Variants in TNRC6B observed in about 807,000 individuals in gnomAD.
The protein encoded by TNRC6B is trinucleotide repeat containing adaptor 6B, also known as trinucleotide repeat-containing gene 6B protein.
Under a neutral mutation model 203.6 loss-of-function variants are expected in TNRC6B, and 52 were observed. The observed-to-expected ratio is 0.26, with a 90% CI of 0.20 to 0.32. TNRC6B has a LOEUF of 0.32. Among genes scored for constraint, TNRC6B ranks in the 10% least tolerant of loss-of-function variants. The pLI is 1.00. For synonymous variants in TNRC6B, 838 were observed against 845.7 expected (o/e 0.99, Z 0.16); for missense variants, 1,923 against 2,286.2 (o/e 0.84, Z 3.24).
chr22:40,211,458 C>G (rs2069562068), intron 1 of TNRC6B, among the ~76,000 whole-genome samples: 1 of 152,008 alleles, frequency 6.6e-6, no homozygotes, highest in Admixed American at 6.6e-5. Context: ...TCTAGTAGTT[C>G]AGGAACACCA....
intron 1 of TNRC6B, among the ~76,000 whole-genome samples, chr22:40,098,386 A>C (rs1276910989): frequency 7.3e-6 from 1 of 136,330 alleles, no homozygotes. Context: ...CTCCGTCTCA[A>C]AAAAAAAAAA....
chr22:40,330,137 A>G lies in TNRC6B; in HGVS notation c.*6896A>G, dbSNP rs1450179646. 2.0e-5 allele frequency: 3 copies of G among 152,266 alleles called. No individual in the cohort carries two copies. Among genetic ancestry groups the G allele is most frequent in the Non-Finnish European group, 4.4e-5 (3 of 68,044 alleles). The allele number at this position is 152,266 out of a possible 1,614,324, so 9.4% of individuals were successfully genotyped here. A position where few individuals can be genotyped will look rare whatever the true frequency, so the allele number is the denominator to read the frequency against. ...TTGCTTTGGAAATAAATTCCCAATT[A>G]TAATTGACCCATATCTAGCCAATAT... On this transcript the variant is annotated 3_prime_UTR_variant, in exon 23 of 23. Transcript: ENST00000454349.
At chr22:40,140,765 C>G (rs1168662340) in intron 3 of TNRC6B, among the ~76,000 whole-genome samples, 2 of 152,008 alleles carry the variant, frequency 1.3e-5, no homozygotes, top group African/African-American at 2.4e-5. Flanking sequence ...CTCAAACTCC[C>G]AAGAAGCTGG....
At position 40,315,387 on chromosome 22, in the gene TNRC6B, A is replaced by G. The variant is rs1360325386; in HGVS notation, c.4783A>G (p.Thr1595Ala). The change falls in exon 20 of 23, where the codon ACT becomes GCT. Residue 1595 changes from threonine (T) to alanine (A), a missense_variant. This residue lies in a region of TNRC6B where 159 missense variants were observed against 181.0 expected (regional missense o/e 0.88). Transcript: ENST00000454349. ...GAAAAACCATATTTCCTCCAGGAAC[A>G]CTACACCGCTGCCCCGCCCACCTCC... is the stretch of plus-strand genomic sequence containing the variant. ...MWKNHISSRN[T>A]TPLPRPPPGL... The G allele has an allele frequency of 1.2e-6, 2 of 1,613,970 alleles. No individual in the cohort carries two copies. Among genetic ancestry groups the G allele is most frequent in the East Asian group, 2.2e-5 (1 of 44,876 alleles).
chr22:40,299,757 A>T (rs1458597031), intron 12 of TNRC6B, among the ~76,000 whole-genome samples: 3 of 152,132 alleles, frequency 2.0e-5, no homozygotes, highest in Admixed American at 1.3e-4. Flanking sequence ...CATGGCCCCA[A>T]CTAGTCCAGT....
intron 12 of TNRC6B, among the ~76,000 whole-genome samples, chr22:40,299,723 G>C (rs139651338): frequency 2.6e-5 from 4 of 152,148 alleles, no homozygotes; most frequent in Admixed American, 2.0e-4. Flanking sequence ...TGGCACTCAC[G>C]GACACGTTCT....
intron 1 of TNRC6B, among the ~76,000 whole-genome samples, chr22:40,065,813 T>G (rs952309923): frequency 6.6e-6 from 1 of 152,150 alleles, no homozygotes. Context: ...CTGAGTCTTC[T>G]ACTTAGTGCC....
chr22:40,284,659 A>G (rs2070760053), intron 11 of TNRC6B, among the ~76,000 whole-genome samples: 1 of 152,184 alleles, frequency 6.6e-6, no homozygotes, highest in Non-Finnish European at 1.5e-5. Context: ...GTGTGGTTTG[A>G]TGAGTTTTAA....
intron 1 of TNRC6B, among the ~76,000 whole-genome samples, chr22:40,214,266 C>CA (rs1237045254): frequency 2.6e-5 from 4 of 151,066 alleles, no homozygotes; most frequent in African/African-American, 9.8e-5. Flanking sequence ...GACTCCATCT[C>CA]AAAAAATAAA....
At chr22:40,063,004 A>G (rs2067866986) in intron 1 of TNRC6B, among the ~76,000 whole-genome samples, 1 of 151,880 alleles carries the variant, frequency 6.6e-6, no homozygotes, top group Admixed American at 6.6e-5. Context: ...TGCTTAACCT[A>G]AGGTCACAAT....
intron 11 of TNRC6B, 22 bp downstream of exon 11, chr22:40,281,311 A>G: frequency 6.5e-7 from 1 of 1,528,278 alleles, no homozygotes; most frequent in Non-Finnish European, 8.8e-7. Context: ...TCTCAAATTT[A>G]TAACTGCTTG....
At chr22:40,300,711 T>TG in intron 13 of TNRC6B, 125 bp downstream of exon 13, 1 of 1,342,466 alleles carries the variant, frequency 7.4e-7, no homozygotes, top group Non-Finnish European at 1.0e-6. Flanking sequence ...CACACTTCTT[T>TG]GCAAACTATG....
upstream of TNRC6B, among the ~76,000 whole-genome samples, chr22:40,175,899 G>A (rs562255185): frequency 2.6e-5 from 4 of 152,312 alleles, no homozygotes; most frequent in East Asian, 7.7e-4. Flanking sequence ...GAGCAAAGGC[G>A]GGAGACTGTA....
chr22:40,116,361 T>C (rs1200435940), intron 1 of TNRC6B, among the ~76,000 whole-genome samples: 1 of 152,240 alleles, frequency 6.6e-6, no homozygotes, highest in African/African-American at 2.4e-5. Flanking sequence ...CATTGTAAAA[T>C]GAAGTTGCTG....
In TNRC6B at chr22:40,327,932, T is replaced by C. The variant is rs2146589463; in HGVS notation, c.*4691T>C. On this transcript the variant is annotated 3_prime_UTR_variant, in exon 23 of 23. Coordinates refer to ENST00000454349, the MANE Select transcript of TNRC6B (RefSeq NM_001162501.2). Reference sequence around the variant, plus strand: ...CATCTCCTGAACATCACAAACTTGGTTTCTACCTACCACACGAGTAGCCAA... The same window carrying C: ...CATCTCCTGAACATCACAAACTTGGCTTCTACCTACCACACGAGTAGCCAA... 1 of 152,180 alleles carries C rather than the reference T, an allele frequency of 6.6e-6. No individual in the cohort carries two copies. Among genetic ancestry groups the C allele is most frequent in the East Asian group, 1.9e-4 (1 of 5,200 alleles). The allele number at this position is 152,180 out of a possible 1,614,324, so 9.4% of individuals were successfully genotyped here. A position where few individuals can be genotyped will look rare whatever the true frequency, so the allele number is the denominator to read the frequency against.
In TNRC6B at chr22:40,266,780, C is replaced by T. The variant is rs773708986; in HGVS notation, c.2550C>T (p.Asn850=). Residue 850 remains asparagine (N), a synonymous_variant, in exon 5 of 23, where the codon AAC becomes AAT. Coordinates refer to ENST00000454349, the MANE Select transcript of TNRC6B (RefSeq NM_001162501.2). ...WGGPPPPPPG[N]VRPSNSSWSS... Reference sequence around the variant, plus strand: ...GCCCACCCCCACCACCTCCAGGCAACGTTCGACCTTCCAATTCCAGCTGGA... The same window carrying T: ...GCCCACCCCCACCACCTCCAGGCAATGTTCGACCTTCCAATTCCAGCTGGA... 4.7e-5 allele frequency: 76 copies of T among 1,613,368 alleles called. No homozygotes were observed. In the South Asian group the frequency reaches 5.4e-4, roughly 11 times the overall value.
At chr22:40,059,345 T>C (rs555406427) in intron 1 of TNRC6B, among the ~76,000 whole-genome samples, 53 of 152,370 alleles carry the variant, frequency 3.5e-4, no homozygotes, top group African/African-American at 1.2e-3. Flanking sequence ...GCTAATTGCA[T>C]TCATTAGTTC....
chr22:40,233,274 A>T (rs2069902029), intron 1 of TNRC6B, among the ~76,000 whole-genome samples: 1 of 151,974 alleles, frequency 6.6e-6, no homozygotes, highest in South Asian at 2.1e-4. Context: ...GTGAGCCAAG[A>T]TCGCGCCACT....
intron 6 of TNRC6B, 33 bp downstream of exon 6, chr22:40,270,313 C>CTTTTT (rs372710238): frequency 3.2e-5 from 39 of 1,218,518 alleles, no homozygotes; most frequent in Non-Finnish European, 3.9e-5. Flanking sequence ...TTGAGGGATC[C>CTTTTT]TTTTTTTTTT....
Sources: gnomAD v4.1 joint callset for allele counts (sites outside exome capture counted in the v4.1 genomes callset) on GRCh38, gnomAD v4.1.1 for gene constraint, gnomAD v4.1.1 regional missense constraint, MANE v1.5 for transcripts, NCBI Gene and HGNC (gene_info 2026-07-23, HGNC 2026-07-21) for gene names.